The following DMRT2 variants were observed in gnomAD, a reference collection of about 807,000 sequenced individuals.
DMRT2 encodes doublesex and mab-3 related transcription factor 2, also known as doublesex- and mab-3-related transcription factor 2.
Under a neutral mutation model 43.5 loss-of-function variants are expected in DMRT2, and 33 were observed. The ratio of observed to expected loss-of-function variants is 0.76; its 90% CI spans 0.58 to 1.01. The LOEUF (loss-of-function observed/expected upper bound fraction) is 1.01, where lower values mean the gene tolerates loss of function less well. Among genes scored for constraint, DMRT2 ranks in the 50% least tolerant of loss-of-function variants. DMRT2 has a pLI of 0.00. For synonymous variants in DMRT2, 395 were observed against 309.2 expected (o/e 1.28, Z -2.91); for missense variants, 1,064 against 748.0 (o/e 1.42, Z -4.93).
chr9:1,053,147 C>G (rs570715099), intron 2 of DMRT2: 1 of 152,394 alleles, frequency 6.6e-6, no homozygotes, highest in Non-Finnish European at 1.5e-5. Context: ...ATCCCACCAG[C>G]TGGTGGGATA....
chr9:1,053,483 A>G (rs1011781454), intron 2 of DMRT2, among the ~76,000 whole-genome samples: 2 of 152,180 alleles, frequency 1.3e-5, no homozygotes. Context: ...TAGAGTCTAG[A>G]GTGACTATGC....
At chr9:1,054,005 G>C (rs1821797458) in intron 3 of DMRT2, among the ~76,000 whole-genome samples, 181 bp downstream of exon 3, 1 of 152,296 alleles carries the variant, frequency 6.6e-6, no homozygotes, top group East Asian at 1.9e-4. Flanking sequence ...GTACGGAGAA[G>C]ATTAGCATGG....
intron 2 of DMRT2, among the ~76,000 whole-genome samples, chr9:1,053,321 A>G (rs1242754095): frequency 6.6e-6 from 1 of 152,190 alleles, no homozygotes; most frequent in Non-Finnish European, 1.5e-5. Context: ...GGCCTTGGGC[A>G]CCTTCTATCC....
At position 1,057,196 on chromosome 9, in the gene DMRT2, G is replaced by A. The variant is rs1410186556; in HGVS notation, c.1609G>A (p.Val537Met). The A allele has an allele frequency of 6.2e-7, 1 of 1,614,082 alleles. No individual in the cohort carries two copies. Among genetic ancestry groups the A allele is most frequent in the South Asian group, 1.1e-5 (1 of 91,078 alleles). The change falls in exon 4 of 4, where the codon GTG becomes ATG. Residue 537 changes from valine (V) to methionine (M), a missense_variant. By Grantham distance (21) the Val-to-Met change is conservative. Transcript: ENST00000358146. ...CAAACAAGTTGGAACAAAACTCTCG[G>A]TGAATGAACCACTGTCATTTTCTGT... ...VAKQVGTKLS[V>M]NEPLSFSVES...
At chr9:1,055,664 T>G in intron 3 of DMRT2, 1 of 1,425,722 alleles carries the variant, frequency 7.0e-7, no homozygotes, top group Non-Finnish European at 9.3e-7. Flanking sequence ...TTAAGCCTTT[T>G]TTTTCTTTTT....
Position 1,056,498 on chromosome 9 carries a change from C to T in DMRT2, c.911C>T (p.Pro304Leu), listed in dbSNP as rs1325411950. The change falls in exon 4 of 4, where the codon CCC becomes CTC. Residue 304 changes from proline (P) to leucine (L), a missense_variant. Coordinates refer to ENST00000358146, the MANE Select transcript of DMRT2 (RefSeq NM_181872.6). Reference sequence around the variant, plus strand: ...AGCAAGGACTTCTGTAATTTTTTGCCCACCTGCCTTGATTTAACCATGCAG... The same window carrying T: ...AGCAAGGACTTCTGTAATTTTTTGCTCACCTGCCTTGATTTAACCATGCAG... ...PPSKDFCNFL[P>L]TCLDLTMQYS... The T allele has an allele frequency of 3.1e-6, 5 of 1,614,042 alleles. No individual in the cohort carries two copies. The highest frequency in any genetic ancestry group is 2.2e-5 in the South Asian group (2 of 91,080).
intron 3 of DMRT2, chr9:1,055,659 C>T: frequency 1.4e-6 from 2 of 1,400,580 alleles, no homozygotes; most frequent in Non-Finnish European, 1.9e-6. Flanking sequence ...TTTTCTTAAG[C>T]CTTTTTTTTC....
Position 1,052,103 on chromosome 9 carries a change from G to T in DMRT2, c.490G>T (p.Ala164Ser). The T allele has an allele frequency of 7.0e-7, 1 of 1,432,916 alleles. No homozygotes were observed. Among genetic ancestry groups the T allele is most frequent in the Non-Finnish European group, 9.1e-7 (1 of 1,100,040 alleles). The allele number at this position is 1,432,916 out of a possible 1,614,324, so 88.8% of individuals were successfully genotyped here. The change falls in exon 2 of 4, where the codon GCC becomes TCC. Residue 164 changes from alanine (A) to serine (S), a missense_variant. By Grantham distance (99) the Ala-to-Ser change is moderately conservative. Transcript: ENST00000358146. The part of the protein sequence containing the change: ...LVVERQRVMA[A>S]QVALRRQQAT... ...GGTGGAGCGGCAGCGCGTCATGGCC[G>T]CCCAGGTGGCGCTCCGGAGGCAGCA...
chr9:1,056,005 C>A, intron 3 of DMRT2: 2 of 1,413,662 alleles, frequency 1.4e-6, no homozygotes, highest in Non-Finnish European at 1.8e-6. Context: ...AGAACAACAA[C>A]AAGAAGAAGT....
chr9:1,051,703 G>T lies in DMRT2; in HGVS notation c.90G>T (p.Pro30=), dbSNP rs764562539. 1.1e-4 allele frequency: 163 copies of T among 1,551,366 alleles called. No homozygotes were observed. Among genetic ancestry groups the T allele is most frequent in the Non-Finnish European group, 1.3e-4 (155 of 1,154,768 alleles). ...LELEEDVCGA[P]RSTPPGPSPP... ...TGGAAGAGGACGTCTGCGGGGCGCC[G>T]CGGTCCACGCCCCCCGGGCCCAGCC... Residue 30 remains proline (P), a synonymous_variant, in exon 2 of 4, where the codon CCG becomes CCT. Coordinates refer to ENST00000358146, the MANE Select transcript of DMRT2 (RefSeq NM_181872.6). The surrounding 1 kb of genome is among the most constrained non-coding windows in gnomAD (Gnocchi z 5.9).
Position 1,051,530 on chromosome 9 carries a change from G to C in DMRT2, c.-44-40G>C. ...CGGAGGCTCAGGGATGGTCCCTGAC[G>C]GCGGCCGGTGGGTCTTTGGATTTCT... On this transcript the variant is annotated intron_variant, in intron 1 of 3. Transcript: ENST00000358146. The surrounding 1 kb of genome is among the most constrained non-coding windows in gnomAD (Gnocchi z 5.9). 1.4e-6 allele frequency: 2 copies of C among 1,424,630 alleles called. No individual in the cohort carries two copies. The highest frequency in any genetic ancestry group is 1.8e-6 in the Non-Finnish European group (2 of 1,099,080). The allele number at this position is 1,424,630 out of a possible 1,614,324, so 88.2% of individuals were successfully genotyped here.
Position 1,056,817 on chromosome 9 carries a change from C to A in DMRT2, c.1230C>A (p.Ile410=). The A allele has an allele frequency of 7.4e-6, 12 of 1,614,148 alleles. No individual in the cohort carries two copies. Among genetic ancestry groups the A allele is most frequent in the Non-Finnish European group, 1.0e-5 (12 of 1,180,034 alleles). The change falls in exon 4 of 4, where the codon ATC becomes ATA. Residue 410 remains isoleucine (I), a synonymous_variant. Transcript: ENST00000358146. ...GSLVLPHTPE[I]QTTRSDLQGH... ...TGGTGCTGCCTCACACTCCTGAGAT[C>A]CAGACCACGAGAAGTGACCTTCAGG...
chr9:1,054,129 T>A (rs1821806849), intron 3 of DMRT2, among the ~76,000 whole-genome samples: 1 of 152,208 alleles, frequency 6.6e-6, no homozygotes, highest in South Asian at 2.1e-4. Context: ...ATTATTTGGT[T>A]GTCTGCTTAG....
rs768835523 is a variant in DMRT2, at chr9:1,051,821, G to C, written c.208G>C (p.Ala70Pro). ...EEEGDGEEAG[A>P]SPGMPGQPEQ... Reference sequence around the variant, plus strand: ...AGAGGGCGACGGCGAGGAGGCAGGCGCGTCCCCCGGGATGCCCGGCCAGCC... The same window carrying C: ...AGAGGGCGACGGCGAGGAGGCAGGCCCGTCCCCCGGGATGCCCGGCCAGCC... Residue 70 changes from alanine (A) to proline (P), a missense_variant, in exon 2 of 4, where the codon GCG (alanine) becomes CCG (proline). Ala to Pro is a conservative substitution (Grantham distance 27). Coordinates refer to ENST00000358146, the MANE Select transcript of DMRT2 (RefSeq NM_181872.6). This position sits in a 1 kb window ranked among gnomAD's most constrained non-coding sequence, Gnocchi z 5.9. The C allele has an allele frequency of 1.4e-6, 2 of 1,462,712 alleles. No homozygotes were observed. The highest frequency in any genetic ancestry group is 4.2e-4 in the Middle Eastern group (2 of 4,758). 90.6% of individuals were successfully genotyped at this position (1,462,712 alleles called of 1,614,324 possible). A position where few individuals can be genotyped will look rare whatever the true frequency, so the allele number is the denominator to read the frequency against.
intron 3 of DMRT2, chr9:1,055,747 T>A: frequency 6.6e-7 from 1 of 1,506,446 alleles, no homozygotes. Context: ...TCTACAGCTA[T>A]TATGTGTACA....
In DMRT2 at chr9:1,056,885, G is replaced by C; in HGVS notation, c.1298G>C (p.Arg433Pro). 1 of 1,614,076 alleles carries C rather than the reference G, an allele frequency of 6.2e-7. No individual in the cohort carries two copies. Among genetic ancestry groups the C allele is most frequent in the East Asian group, 2.2e-5 (1 of 44,878 alleles). The change falls in exon 4 of 4, where the codon CGA becomes CCA. Residue 433 changes from arginine to proline, a missense_variant. Arg to Pro is a moderately radical substitution (Grantham distance 103). Coordinates refer to ENST00000358146, the MANE Select transcript of DMRT2 (RefSeq NM_181872.6). ...GAGAGGTCCGCGTTCTCCCCACCCC[G>C]ACGGAATTTCTCTCCCATTGTTGAC... is the stretch of plus-strand genomic sequence containing the variant. ...VPERSAFSPP[R>P]RNFSPIVDTD... is the part of the protein sequence containing the mutation.
At position 1,056,319 on chromosome 9, in the gene DMRT2, G is replaced by A. The variant is rs145305702; in HGVS notation, c.732G>A (p.Glu244=). 3 of 1,614,208 alleles carry A rather than the reference G, an allele frequency of 1.9e-6. No individual in the cohort carries two copies. The East Asian group carries it at 6.7e-5, about 36-fold the overall frequency. ...MRKRRAFADK[E]LENIMLEREY... ...AAAGAAGAGCCTTTGCTGATAAAGA[G>A]TTGGAGAACATTATGCTGGAGAGAG... The change falls in exon 4 of 4, where the codon GAG becomes GAA. Residue 244 remains glutamate, a synonymous_variant. Coordinates refer to ENST00000358146, the MANE Select transcript of DMRT2 (RefSeq NM_181872.6).
At chr9:1,052,249 C>T (rs1821648564) in intron 2 of DMRT2, 111 bp downstream of exon 2, 1 of 833,134 alleles carries the variant, frequency 1.2e-6, no homozygotes, top group Non-Finnish European at 1.7e-6. Context: ...CGGTGCCTGG[C>T]ACTCCCTAGG....
At position 1,051,551 on chromosome 9, in the gene DMRT2, T is replaced by C. The variant is rs1245228180; in HGVS notation, c.-44-19T>C. Reference sequence around the variant, plus strand: ...TGACGGCGGCCGGTGGGTCTTTGGATTTCTTTGTGTTTCCCCAGAGTGAGG... The same window carrying C: ...TGACGGCGGCCGGTGGGTCTTTGGACTTCTTTGTGTTTCCCCAGAGTGAGG... On this transcript the variant is annotated intron_variant, in intron 1 of 3. Coordinates refer to ENST00000358146, the MANE Select transcript of DMRT2 (RefSeq NM_181872.6). The surrounding 1 kb of genome is among the most constrained non-coding windows in gnomAD (Gnocchi z 5.9). The C allele has an allele frequency of 6.9e-7, 1 of 1,445,084 alleles. No individual in the cohort carries two copies. The highest frequency in any genetic ancestry group is 9.0e-7 in the Non-Finnish European group (1 of 1,109,294). The allele number at this position is 1,445,084 out of a possible 1,614,324, so 89.5% of individuals were successfully genotyped here. A position where few individuals can be genotyped will look rare whatever the true frequency, so the allele number is the denominator to read the frequency against.
Sources: allele counts gnomAD v4.1 joint callset (sites outside exome capture counted in the v4.1 genomes callset), GRCh38; gene constraint gnomAD v4.1.1; non-coding constraint Gnocchi (gnomAD v3.1); transcripts MANE v1.5; gene names NCBI Gene and HGNC (gene_info 2026-07-23, HGNC 2026-07-21).